Variants in VTI1A observed in about 807,000 individuals in gnomAD.
The protein encoded by VTI1A is vesicle transport through interaction with t-SNAREs homolog 1A.
A neutral mutation model predicts 34.9 loss-of-function variants in VTI1A; 22 were observed. The observed-to-expected ratio is 0.63, with a 90% CI of 0.45 to 0.90. The LOEUF (loss-of-function observed/expected upper bound fraction) is 0.90. Ranked by LOEUF, VTI1A falls within the 40% of genes least tolerant of loss-of-function variation. The pLI, the probability that VTI1A is intolerant of heterozygous loss-of-function variation, is 0.00. For synonymous variants in VTI1A, 87 were observed against 97.3 expected, an observed-to-expected ratio of 0.89 and a Z score of 0.62; for missense variants, 268 against 275.6, an observed-to-expected ratio of 0.97 and a Z score of 0.20.
At chr10:112,790,044 A>G (rs991768577) in intron 7 of VTI1A, among the ~76,000 whole-genome samples, 4 of 151,230 alleles carry the variant, frequency 2.6e-5, no homozygotes, top group African/African-American at 9.7e-5. Context: ...AGAGTCTAGT[A>G]TTTTTAAGTA....
At chr10:112,559,837 T>C (rs1459873659) in intron 5 of VTI1A, among the ~76,000 whole-genome samples, 1 of 152,126 alleles carries the variant, frequency 6.6e-6, no homozygotes, top group Non-Finnish European at 1.5e-5. Context: ...GTATTGGGTG[T>C]CTTATGAGAA....
intron 7 of VTI1A, chr10:112,736,760 GC>G: frequency 6.5e-7 from 1 of 1,546,246 alleles, no homozygotes. Flanking sequence ...CCTGTCTCTG[GC>G]CCCAAAGGCT....
At chr10:112,466,536 C>T (rs1847899026) in intron 3 of VTI1A, among the ~76,000 whole-genome samples, 1 of 152,084 alleles carries the variant, frequency 6.6e-6, no homozygotes, top group Non-Finnish European at 1.5e-5. Flanking sequence ...GCTAGTTTTT[C>T]TCAGTAAAAA....
At chr10:112,804,978 A>G (rs966232099) in intron 7 of VTI1A, among the ~76,000 whole-genome samples, 4 of 144,808 alleles carry the variant, frequency 2.8e-5, no homozygotes, top group Non-Finnish European at 6.0e-5. Flanking sequence ...CTCCCGTCTC[A>G]GCCTCCAGAG....
At chr10:112,513,343 T>C (rs1394552199) in intron 3 of VTI1A, among the ~76,000 whole-genome samples, 2 of 152,124 alleles carry the variant, frequency 1.3e-5, no homozygotes, top group Non-Finnish European at 2.9e-5. Context: ...TATTAGCTTG[T>C]TATTAGTATA....
intron 3 of VTI1A, among the ~76,000 whole-genome samples, chr10:112,509,520 G>A (rs1355328797): frequency 6.6e-6 from 1 of 152,180 alleles, no homozygotes; most frequent in Non-Finnish European, 1.5e-5. Context: ...CGTTAAGATT[G>A]AATGCCCTGT....
chr10:112,647,361 A>G (rs992655461), intron 5 of VTI1A, among the ~76,000 whole-genome samples: 2 of 152,228 alleles, frequency 1.3e-5, no homozygotes, highest in Non-Finnish European at 2.9e-5. Context: ...TTCTGAATCC[A>G]TAGATATAAT....
At chr10:112,799,781 A>G (rs1313929338) in intron 7 of VTI1A, among the ~76,000 whole-genome samples, 1 of 152,176 alleles carries the variant, frequency 6.6e-6, no homozygotes, top group African/African-American at 2.4e-5. Context: ...AGGAGATATC[A>G]CAAGTTTGAA....
intron 7 of VTI1A, among the ~76,000 whole-genome samples, chr10:112,793,808 C>T (rs1370689243): frequency 1.3e-5 from 2 of 152,200 alleles, no homozygotes; most frequent in Admixed American, 1.3e-4. Flanking sequence ...TCAGATTGTT[C>T]TAGAATCAGA....
chr10:112,683,156 A>G lies in VTI1A; in HGVS notation c.560+14158A>G, dbSNP rs1168245222. On this transcript the variant is annotated intron_variant, in intron 7 of 7. Coordinates refer to ENST00000393077, the MANE Select transcript of VTI1A (RefSeq NM_145206.4). ...ATGCTATAAAAAGTAGATGAATGCA[A>G]AGAATCTTTTTACCAAAAGATGTAC... 2.0e-5 allele frequency among the ~76,000 whole-genome samples: 3 copies of G among 152,380 alleles called. No individual in the cohort carries two copies. In the East Asian group the frequency reaches 5.8e-4, roughly 29 times the overall value.
At chr10:112,613,573 G>C (rs569133099) in intron 5 of VTI1A, among the ~76,000 whole-genome samples, 1 of 151,948 alleles carries the variant, frequency 6.6e-6, no homozygotes, top group South Asian at 2.1e-4. Flanking sequence ...CTCTTTTGCA[G>C]ACTCTTCACT....
At chr10:112,646,593 C>T (rs1321356253) in intron 5 of VTI1A, among the ~76,000 whole-genome samples, 1 of 151,840 alleles carries the variant, frequency 6.6e-6, no homozygotes, top group African/African-American at 2.4e-5. Context: ...TGACTGCAAC[C>T]TCTGCCTCCC....
At chr10:112,733,773 A>ATTTTATTTTATTTTATTTTATTTTT (rs764240395) in intron 7 of VTI1A, among the ~76,000 whole-genome samples, 1 of 149,148 alleles carries the variant, frequency 6.7e-6, no homozygotes, top group African/African-American at 2.5e-5. Context: ...ATTTTATTTT[A>ATTTTATTTTATTTTATTTTATTTTT]AGAGAGAGTT....
At chr10:112,743,791 G>A (rs1004926165) in intron 7 of VTI1A, among the ~76,000 whole-genome samples, 18 of 151,932 alleles carry the variant, frequency 1.2e-4, no homozygotes, top group East Asian at 1.2e-3. Flanking sequence ...AAATTATTTC[G>A]GTTATATACA....
At chr10:112,585,725 C>T (rs1473285229) in intron 5 of VTI1A, among the ~76,000 whole-genome samples, 10 of 141,322 alleles carry the variant, frequency 7.1e-5, no homozygotes, top group African/African-American at 1.8e-4. Context: ...TGCACCATGT[C>T]GGTAACTTTG....
At chr10:112,706,818 C>T (rs1048149449) in intron 7 of VTI1A, among the ~76,000 whole-genome samples, 5 of 152,182 alleles carry the variant, frequency 3.3e-5, no homozygotes, top group African/African-American at 1.2e-4. Flanking sequence ...AACATCAAAA[C>T]ACAGACCTGC....
rs148352588 is a variant in VTI1A, at chr10:112,471,530, T to TTACTC, written c.264+6875_264+6876insCTCTA. Among the ~76,000 whole-genome samples the TTACTC allele has an allele frequency of 6.9e-3, 1,050 of 152,234 alleles. 13 individuals carry two copies. Among genetic ancestry groups the TTACTC allele is most frequent in the African/African-American group, 0.025 (1,021 of 41,528 alleles). On this transcript the variant is annotated intron_variant, in intron 3 of 7. Transcript: ENST00000393077. ...TGGAGGACTGAGGAGACCAAATGAC[T>TTACTC]TAAAGTCACACTGCTTTCTGGAGCC...
chr10:112,744,618 A>C (rs1476487864), intron 7 of VTI1A, among the ~76,000 whole-genome samples: 1 of 151,502 alleles, frequency 6.6e-6, no homozygotes. Flanking sequence ...CTTATTTTTA[A>C]ATTTTTTGTG....
rs74652010 is a variant in VTI1A, at chr10:112,451,164, T to C, written c.94+3697T>C. Among the ~76,000 whole-genome samples, 832 of 152,342 alleles carry C rather than the reference T, an allele frequency of 5.5e-3. 6 individuals carry two copies. The highest frequency in any genetic ancestry group is 0.019 in the African/African-American group (779 of 41,574). ...GATCTGTTTAGAACCCTAGTTCTGCTACTTACTAGATGTGCAGTCATGGAC... is the reference window on the plus strand; with the variant it reads ...GATCTGTTTAGAACCCTAGTTCTGCCACTTACTAGATGTGCAGTCATGGAC... On this transcript the variant is annotated intron_variant, in intron 1 of 7. Coordinates refer to ENST00000393077, the MANE Select transcript of VTI1A (RefSeq NM_145206.4).
Sources: gnomAD v4.1 joint callset for allele counts (sites outside exome capture counted in the v4.1 genomes callset) on GRCh38, gnomAD v4.1.1 for gene constraint, MANE v1.5 for transcripts, NCBI Gene and HGNC (gene_info 2026-07-23, HGNC 2026-07-21) for gene names.